Variants in HELZ2 observed in about 807,000 individuals in gnomAD.
The protein encoded by HELZ2 is helicase with zinc finger 2.
Under a neutral mutation model 208.8 loss-of-function variants are expected in HELZ2, and 143 were observed. That is an observed-to-expected ratio of 0.68 (90% CI 0.60 to 0.79). HELZ2 has a LOEUF of 0.79. Ranked by LOEUF, HELZ2 falls within the 30% of genes least tolerant of loss-of-function variation. The probability of loss-of-function intolerance (pLI) is 0.00; values close to 1 mark genes in which losing one functional copy is unlikely to be tolerated. For synonymous variants in HELZ2, 1,705 were observed against 1,693.7 expected (o/e 1.01, Z -0.16); for missense variants, 3,690 against 3,794.5 (o/e 0.97, Z 0.72).
At chr20:63,570,335 G>A (rs2083004653) in intron 3 of HELZ2, 169 bp downstream of exon 4, 2 of 717,618 alleles carry the variant, frequency 2.8e-6, no homozygotes, top group Admixed American at 2.0e-5. Flanking sequence ...CTGTCTCTAG[G>A]TGAGGAGACT....
exon 8 of HELZ2, chr20:63,564,124 C>T (rs1600973421): frequency 1.9e-6 from 3 of 1,611,604 alleles, no homozygotes; most frequent in Non-Finnish European, 1.7e-6. Flanking sequence ...GCTTCTCACA[C>T]AGGGCCTTGA....
At position 63,566,867 on chromosome 20, in the gene HELZ2, A is replaced by C. The variant is rs1454039839; in HGVS notation, c.2491T>G (p.Cys831Gly). 4 of 1,603,654 alleles carry C rather than the reference A, an allele frequency of 2.5e-6. No individual in the cohort carries two copies. The Admixed American group carries it at 5.0e-5, about 20-fold the overall frequency. ...ACCTGGGCACCGTGGGAAACGACACAGATGCACCTCTGCTCGCGGCCGCCC... is the reference window on the plus strand; with the variant it reads ...ACCTGGGCACCGTGGGAAACGACACCGATGCACCTCTGCTCGCGGCCGCCC... Residue 831 changes from cysteine (C) to glycine (G), a missense_variant, in exon 6 of 19, where the codon TGT (cysteine) becomes GGT (glycine). Transcript: ENST00000467148.
At chr20:63,562,168 T>G in exon 10 of HELZ2, 1 of 1,611,958 alleles carries the variant, frequency 6.2e-7, no homozygotes, top group South Asian at 1.1e-5. Flanking sequence ...CCGGGGATGT[T>G]GTAGGTCTGC....
At position 63,566,983 on chromosome 20, in the gene HELZ2, TC is replaced by T; in HGVS notation, c.2374del (p.Asp792ThrfsTer8). On this transcript the variant is annotated frameshift_variant, in exon 6 of 19. Coordinates refer to ENST00000467148, the Ensembl canonical transcript of HELZ2. LOFTEE classifies it high-confidence loss of function. ...ATTCAGCCAGGACGCCATGGACATG[TC>T]CCGGTCTGGGCTGCCCGCCACGTGG... The T allele has an allele frequency of 6.2e-7, 1 of 1,611,638 alleles. No individual in the cohort carries two copies.
chr20:63,572,277 C>T (rs1399235173), exon 1 of HELZ2: 2 of 1,586,848 alleles, frequency 1.3e-6, no homozygotes, highest in East Asian at 4.6e-5. Context: ...AGCTGGGCCC[C>T]AGGGGGCTGG....
Position 63,561,435 on chromosome 20 carries a change from C to T in HELZ2, c.6868G>A (p.Ala2290Thr), listed in dbSNP as rs759026527. The change falls in exon 13 of 19, where the codon GCC becomes ACC. Residue 2290 changes from alanine (A) to threonine (T), a missense_variant. Around this residue, in one of 3 missense-constraint regions of HELZ2, gnomAD observed 2,564 missense variants for 2,580.5 expected, o/e 0.99. Transcript: ENST00000467148. ...ATTTCCGACGAGTAAGGGTTGGGGGCCTGCCGGATCCGGTGGTGCAGGGTG... is the reference window on the plus strand; with the variant it reads ...ATTTCCGACGAGTAAGGGTTGGGGGTCTGCCGGATCCGGTGGTGCAGGGTG... 4 of 1,611,476 alleles carry T rather than the reference C, an allele frequency of 2.5e-6. No homozygotes were observed. In the African/African-American group the frequency reaches 4.0e-5, roughly 16 times the overall value.
chr20:63,569,690 G>A, intron 3 of HELZ2, 25 bp from the exon 5 acceptor site: 7 of 1,491,378 alleles, frequency 4.7e-6, no homozygotes, highest in South Asian at 1.3e-5. Flanking sequence ...AGACGGTGAG[G>A]GGGGCCCAGG....
chr20:63,572,483 C>T (rs1326298986), upstream of HELZ2: 8 of 1,303,204 alleles, frequency 6.1e-6, no homozygotes, highest in South Asian at 1.5e-5. Flanking sequence ...CTGGCCGGCC[C>T]GGGGCCGCGG....
chr20:63,565,265 C>T (rs761892594), exon 8 of HELZ2: 16 of 1,605,790 alleles, frequency 1.0e-5, no homozygotes, highest in Non-Finnish European at 1.4e-5. Context: ...GCCCCGAAGC[C>T]GCCCCTCGGG....
Position 63,563,459 on chromosome 20 carries a change from C to T in HELZ2, c.5363G>A (p.Arg1788Gln), listed in dbSNP as rs770323858. Residue 1788 changes from arginine (R) to glutamine (Q), a missense_variant, in exon 8 of 19, where the codon CGG (arginine) becomes CAG (glutamine). Physicochemically the swap from Arg to Gln is conservative, Grantham distance 43. Around this residue, in one of 3 missense-constraint regions of HELZ2, gnomAD observed 2,564 missense variants for 2,580.5 expected, o/e 0.99. Coordinates refer to ENST00000467148, the Ensembl canonical transcript of HELZ2. ...CCGCCACAGGAGCCGCAGGCCCGGC[C>T]GGCCTGCCAGGGCGTGGGGGTGCTC... is the stretch of plus-strand genomic sequence containing the variant. The T allele has an allele frequency of 1.6e-5, 24 of 1,524,352 alleles. No homozygotes were observed. In the South Asian group the frequency reaches 1.9e-4, roughly 12 times the overall value. 94.4% of individuals were successfully genotyped at this position (1,524,352 alleles called of 1,614,324 possible). A position where few individuals can be genotyped will look rare whatever the true frequency, so the allele number is the denominator to read the frequency against.
chr20:63,569,760 G>T, intron 3 of HELZ2, 95 bp from the exon 5 acceptor site: 22 of 1,300,432 alleles, frequency 1.7e-5, no homozygotes, highest in Non-Finnish European at 1.8e-5. Context: ...CAGGGTTCAG[G>T]TCCTGGCCCT....
exon 6 of HELZ2, chr20:63,567,258 T>A: frequency 6.2e-7 from 1 of 1,608,722 alleles, no homozygotes; most frequent in Non-Finnish European, 8.5e-7. Flanking sequence ...ACAGCCGGGG[T>A]GTGACCTGCA....
In HELZ2 at chr20:63,560,106, G is replaced by T; in HGVS notation, c.7658-11C>A. 6.3e-7 allele frequency: 1 copy of T among 1,582,578 alleles called. No homozygotes were observed. The highest frequency in any genetic ancestry group is 2.3e-5 in the East Asian group (1 of 43,192). ...AGCGCCACTCGCTCCCTGCGGGATG[G>T]GAGGTGAGGCCCTGCTGCCGCTGCG... On this transcript the variant is annotated splice_polypyrimidine_tract_variant and intron_variant, in intron 17 of 18. Transcript: ENST00000467148.
At position 63,561,071 on chromosome 20, in the gene HELZ2, C is replaced by A. The variant is rs373620476; in HGVS notation, c.7146+11G>T. On this transcript the variant is annotated intron_variant, in intron 14 of 18. Transcript: ENST00000467148. The stretch of plus-strand genomic sequence containing the variant: ...GCCTGCTCATGCTGCCCACACCCCC[C>A]GCCGACCAACCTTCTCGGCCTGTGG... The A allele has an allele frequency of 6.7e-5, 108 of 1,606,436 alleles. No individual in the cohort carries two copies. The highest frequency in any genetic ancestry group is 2.3e-4 in the South Asian group (21 of 90,302).
chr20:63,561,701 T>C (rs779458053), exon 12 of HELZ2: 8 of 1,612,112 alleles, frequency 5.0e-6, no homozygotes, highest in Non-Finnish European at 5.9e-6. Context: ...GCCTGCTCAC[T>C]GTACACACGG....
chr20:63,563,891 C>A, exon 8 of HELZ2: 1 of 1,596,228 alleles, frequency 6.3e-7, no homozygotes, highest in Non-Finnish European at 8.5e-7. Flanking sequence ...GAACGCCGAG[C>A]GCTCCAGGGC....
exon 8 of HELZ2, chr20:63,566,113 G>T: frequency 6.3e-7 from 1 of 1,583,160 alleles, no homozygotes; most frequent in Non-Finnish European, 8.5e-7. Context: ...ACTGGGCGCG[G>T]GTCAGGACGG....
exon 8 of HELZ2, chr20:63,563,426 A>T: frequency 2.0e-6 from 3 of 1,531,854 alleles, no homozygotes; most frequent in Non-Finnish European, 2.6e-6. Flanking sequence ...CGCTGAGTAG[A>T]CACGGCGCCG....
In HELZ2 at chr20:63,570,758, C is replaced by T; in HGVS notation, c.389G>A (p.Trp130Ter). 6.2e-7 allele frequency: 1 copy of T among 1,610,324 alleles called. No individual in the cohort carries two copies. The highest frequency in any genetic ancestry group is 2.2e-5 in the East Asian group (1 of 44,802). The change falls in exon 2 of 19, where the codon TGG (tryptophan) becomes TAG (stop). Residue 130 changes from tryptophan to a stop codon, truncating the protein, a stop_gained. Coordinates refer to ENST00000467148, the Ensembl canonical transcript of HELZ2. LOFTEE classifies it high-confidence loss of function. ...CTGGTAGGGCACCAGCCCGTCCTGC[C>T]AGGCCGCCTGCCCCCGCAGCTCCAC...
Sources: allele counts gnomAD v4.1 joint callset, GRCh38; gene constraint gnomAD v4.1.1; regional missense constraint gnomAD v4.1.1; transcripts MANE v1.5; gene names NCBI Gene and HGNC (gene_info 2026-07-23, HGNC 2026-07-21).